The following LRRTM4 variants were observed in gnomAD, a reference collection of about 807,000 sequenced individuals.
LRRTM4 encodes the protein leucine-rich repeat transmembrane neuronal protein 4.
In LRRTM4, 25 loss-of-function variants were observed where a neutral mutation model predicts 47.6. The ratio of observed to expected loss-of-function variants is 0.53; its 90% CI spans 0.38 to 0.73. LRRTM4 has a LOEUF of 0.73. LRRTM4 is among the 30% of genes least tolerant of loss of function. The pLI, the probability that LRRTM4 is intolerant of heterozygous loss-of-function variation, is 0.00. For synonymous variants in LRRTM4, 311 were observed against 269.5 expected, an observed-to-expected ratio of 1.15 and a Z score of -1.51; for missense variants, 638 against 713.4, an observed-to-expected ratio of 0.89 and a Z score of 1.20.
At chr2:77,025,412 G>T (rs1023326335) in intron 3 of LRRTM4, among the ~76,000 whole-genome samples, 2 of 152,266 alleles carry the variant, frequency 1.3e-5, no homozygotes, top group African/African-American at 4.8e-5. Context: ...ATGCTGAGAT[G>T]TAAGAGAATT....
chr2:77,245,364 T>C (rs1429032476), intron 3 of LRRTM4, among the ~76,000 whole-genome samples: 1 of 151,472 alleles, frequency 6.6e-6, no homozygotes, highest in Non-Finnish European at 1.5e-5. Context: ...CTGGGCAAAA[T>C]AGTGAAACCT....
At chr2:77,426,299 T>C (rs1459719920) in intron 3 of LRRTM4, among the ~76,000 whole-genome samples, 2 of 152,160 alleles carry the variant, frequency 1.3e-5, no homozygotes, top group Admixed American at 6.5e-5. Flanking sequence ...TTAATGTATC[T>C]ACAATAGGAA....
chr2:77,100,156 T>C (rs139522289), intron 3 of LRRTM4, among the ~76,000 whole-genome samples: 23 of 152,316 alleles, frequency 1.5e-4, no homozygotes, highest in Admixed American at 2.6e-4. Flanking sequence ...CACATTTGCA[T>C]TGATAATGTT....
At chr2:77,442,634 C>T (rs193129659) in intron 3 of LRRTM4, among the ~76,000 whole-genome samples, 1 of 152,250 alleles carries the variant, frequency 6.6e-6, no homozygotes, top group East Asian at 1.9e-4. Context: ...TTTTAAGCCC[C>T]ATATATCCAA....
chr2:77,182,002 A>G (rs1673360486), intron 3 of LRRTM4, among the ~76,000 whole-genome samples: 1 of 152,214 alleles, frequency 6.6e-6, no homozygotes, highest in African/African-American at 2.4e-5. Context: ...CAGTTGTGGA[A>G]GACAGTGTGG....
Position 77,001,822 on chromosome 2 carries a change from T to C in LRRTM4, c.1552-252906A>G, listed in dbSNP as rs145319699. Among the ~76,000 whole-genome samples the C allele has an allele frequency of 7.3e-3, 1,113 of 152,268 alleles. 13 individuals are homozygous for C. The highest frequency in any genetic ancestry group is 0.022 in the African/African-American group (901 of 41,562). On this transcript the variant is annotated intron_variant, in intron 3 of 3. Transcript: ENST00000409884. ...TTTAGTTCAACACTGTTGACAAAAG[T>C]CTTATTGCCTAAACAATAACGGATC...
intron 3 of LRRTM4, among the ~76,000 whole-genome samples, chr2:76,970,404 T>C (rs890102785): frequency 6.6e-6 from 1 of 152,034 alleles, no homozygotes; most frequent in Admixed American, 6.6e-5. Context: ...ATTCTCAGGA[T>C]ACCTCCTTTT....
intron 3 of LRRTM4, among the ~76,000 whole-genome samples, chr2:77,207,326 GT>G (rs1193870421): frequency 1.6e-5 from 2 of 127,236 alleles, no homozygotes; most frequent in African/African-American, 6.8e-5. Context: ...ATGTGTTTAT[GT>G]TTTTCCTAAT....
At chr2:77,514,572 TCA>T (rs1679139459) in intron 3 of LRRTM4, among the ~76,000 whole-genome samples, 1 of 152,064 alleles carries the variant, frequency 6.6e-6, no homozygotes, top group South Asian at 2.1e-4. Context: ...ACCTATATTG[TCA>T]CCTTTACTGC....
chr2:77,356,694 G>T (rs1671980494), intron 3 of LRRTM4, among the ~76,000 whole-genome samples: 1 of 152,084 alleles, frequency 6.6e-6, no homozygotes, highest in Admixed American at 6.6e-5. Context: ...AAGGTCAATG[G>T]GTAATGCTAA....
In LRRTM4 at chr2:77,208,057, T is replaced by G. The variant is rs143390519; in HGVS notation, c.1551+310261A>C. On this transcript the variant is annotated intron_variant, in intron 3 of 3. Transcript: ENST00000409884. ...CCATGCTCAGCTAATTTTCGTATTT[T>G]TAGTAGAGACAGGGTTTCACCATGT... Among the ~76,000 whole-genome samples the G allele has an allele frequency of 2.6e-3, 394 of 151,950 alleles. 1 individual carries two copies. Among genetic ancestry groups the G allele is most frequent in the African/African-American group, 9.2e-3 (380 of 41,444 alleles).
chr2:77,095,640 A>C (rs1478608323), intron 3 of LRRTM4, among the ~76,000 whole-genome samples: 1 of 147,190 alleles, frequency 6.8e-6, no homozygotes, highest in East Asian at 1.9e-4. Flanking sequence ...CAAGTAACTG[A>C]GACTGCAGGC....
intron 3 of LRRTM4, among the ~76,000 whole-genome samples, chr2:77,442,838 T>G (rs960887775): frequency 6.6e-6 from 1 of 152,102 alleles, no homozygotes; most frequent in Non-Finnish European, 1.5e-5. Context: ...GAAGTGACAC[T>G]TGGAAGGAGG....
In LRRTM4 at chr2:76,800,666, A is replaced by T. The variant is rs567037276; in HGVS notation, c.1552-51750T>A. Among the ~76,000 whole-genome samples, 1,257 of 126,900 alleles carry T rather than the reference A, an allele frequency of 9.9e-3. 11 individuals carry two copies. Among genetic ancestry groups the T allele is most frequent in the Non-Finnish European group, 0.015 (896 of 61,184 alleles). 83.3% of individuals were successfully genotyped at this position (126,900 alleles called of 152,430 possible). ...GAAACTACCATCAGAGTGAACAGGC[A>T]ACCTACAAAATGGGAGAAAATTTTC... On this transcript the variant is annotated intron_variant, in intron 3 of 3. Transcript: ENST00000409884.
intron 3 of LRRTM4, among the ~76,000 whole-genome samples, chr2:76,904,126 G>A (rs924055110): frequency 6.6e-6 from 1 of 152,170 alleles, no homozygotes; most frequent in African/African-American, 2.4e-5. Context: ...ACTTCTCAGG[G>A]TTCATGAAGC....
intron 3 of LRRTM4, among the ~76,000 whole-genome samples, chr2:77,416,902 T>G (rs1481989643): frequency 2.6e-5 from 4 of 152,060 alleles, no homozygotes; most frequent in Admixed American, 6.6e-5. Context: ...TGGGATCTAA[T>G]TAAACTAAAG....
At chr2:77,295,679 C>T (rs13410578) in intron 3 of LRRTM4, among the ~76,000 whole-genome samples, 55,027 of 151,950 alleles carry the variant, frequency 0.36, 14,398 homozygotes, top group African/African-American at 0.73. Flanking sequence ...AAGGACCTAG[C>T]CCAGGCCTCT....
chr2:77,176,932 T>A (rs1429589559), intron 3 of LRRTM4, among the ~76,000 whole-genome samples: 1 of 152,104 alleles, frequency 6.6e-6, no homozygotes, highest in Non-Finnish European at 1.5e-5. Context: ...TTATAATACA[T>A]TAATATAATA....
At chr2:77,075,483 C>T (rs370499601) in intron 3 of LRRTM4, among the ~76,000 whole-genome samples, 3 of 152,108 alleles carry the variant, frequency 2.0e-5, no homozygotes, top group East Asian at 3.9e-4. Context: ...GCCAAGGTGG[C>T]AGCAATACTA....
Sources: allele counts gnomAD v4.1 joint callset (sites outside exome capture counted in the v4.1 genomes callset), GRCh38; gene constraint gnomAD v4.1.1; transcripts MANE v1.5; gene names NCBI Gene and HGNC (gene_info 2026-07-23, HGNC 2026-07-21).